The following PIGL variants were observed in gnomAD, a reference collection of about 807,000 sequenced individuals.
The protein encoded by PIGL is N-acetylglucosaminyl-phosphatidylinositol de-N-acetylase.
Under a neutral mutation model 31.1 loss-of-function variants are expected in PIGL, and 22 were observed. That is an observed-to-expected ratio of 0.71 (90% confidence interval 0.51 to 1.01). The LOEUF (loss-of-function observed/expected upper bound fraction) is 1.01, where lower values mean the gene tolerates loss of function less well. PIGL is among the 50% of genes least tolerant of loss of function. The pLI is 0.00. For synonymous variants in PIGL, 131 were observed against 117.4 expected (o/e 1.12, Z -0.75); for missense variants, 302 against 315.9 (o/e 0.96, Z 0.33).
At chr17:16,310,342 GAAGTT>G (rs2093043928) in intron 3 of PIGL, among the ~76,000 whole-genome samples, 1 of 151,112 alleles carries the variant, frequency 6.6e-6, no homozygotes, top group Non-Finnish European at 1.5e-5. Context: ...CATGAACAGT[GAAGTT>G]AACTATGTAC....
intron 6 of PIGL, among the ~76,000 whole-genome samples, chr17:16,322,680 T>A (rs919144063): frequency 6.6e-6 from 1 of 152,174 alleles, no homozygotes; most frequent in Non-Finnish European, 1.5e-5. Flanking sequence ...TCACTAAAAT[T>A]CATTTGTAAC....
intron 2 of PIGL, among the ~76,000 whole-genome samples, chr17:16,250,093 T>C (rs1335635024): frequency 6.6e-6 from 1 of 152,106 alleles, no homozygotes; most frequent in Non-Finnish European, 1.5e-5. Context: ...ATTACCGACA[T>C]ATGCCACCAT....
intron 4 of PIGL, 24 bp downstream of exon 4, chr17:16,313,638 G>A (rs2093064333): frequency 1.3e-6 from 2 of 1,568,744 alleles, no homozygotes; most frequent in Non-Finnish European, 1.8e-6. Flanking sequence ...GGTGATGGAT[G>A]TGGGGGAGGG....
intron 2 of PIGL, among the ~76,000 whole-genome samples, chr17:16,255,195 T>G (rs2092789027): frequency 6.6e-6 from 1 of 152,234 alleles, no homozygotes; most frequent in African/African-American, 2.4e-5. Flanking sequence ...ACTTACATAG[T>G]TTTAACCTTC....
chr17:16,246,305 A>G (rs925407312), intron 2 of PIGL, among the ~76,000 whole-genome samples: 1 of 151,336 alleles, frequency 6.6e-6, no homozygotes, highest in African/African-American at 2.4e-5. Flanking sequence ...CGAGGTCAAG[A>G]GATCGAGACC....
At chr17:16,239,438 G>C (rs781165781) in intron 2 of PIGL, among the ~76,000 whole-genome samples, 1 of 151,290 alleles carries the variant, frequency 6.6e-6, no homozygotes, top group Non-Finnish European at 1.5e-5. Context: ...AGCTGAGATC[G>C]CACCACTGCA....
At chr17:16,231,341 C>G (rs376882346) in intron 1 of PIGL, among the ~76,000 whole-genome samples, 2 of 150,022 alleles carry the variant, frequency 1.3e-5, no homozygotes, top group East Asian at 2.0e-4. Flanking sequence ...CTCAAGCGTT[C>G]CTCCCACTTC....
intron 2 of PIGL, among the ~76,000 whole-genome samples, chr17:16,257,285 C>T (rs1156423725): frequency 2.6e-5 from 4 of 151,900 alleles, no homozygotes; most frequent in African/African-American, 7.3e-5. Context: ...GGCCTGGCGG[C>T]GGGCGCCTGT....
intron 1 of PIGL, 28 bp from the exon 2 acceptor site, chr17:16,233,943 T>C (rs1356202538): frequency 1.6e-6 from 2 of 1,259,334 alleles, no homozygotes; most frequent in Admixed American, 1.9e-5. Flanking sequence ...AAAAAAAAAA[T>C]CTACCACTGT....
chr17:16,219,367 A>G (rs928737320), intron 1 of PIGL, among the ~76,000 whole-genome samples: 1 of 151,190 alleles, frequency 6.6e-6, no homozygotes, highest in Non-Finnish European at 1.5e-5. Flanking sequence ...GCCATTTTTT[A>G]TAAATTTCTT....
intron 2 of PIGL, among the ~76,000 whole-genome samples, chr17:16,288,579 G>A (rs778113983): frequency 2.1e-5 from 3 of 144,054 alleles, no homozygotes; most frequent in Non-Finnish European, 4.5e-5. Flanking sequence ...CGCTCTTGTT[G>A]CCCAGGCTGG....
rs776741168 is a variant in PIGL at position 16,217,257 on chromosome 17, T to C, written c.31T>C (p.Leu11=). 3.7e-6 allele frequency: 6 copies of C among 1,614,166 alleles called. No homozygotes were observed. The highest frequency in any genetic ancestry group is 4.5e-5 in the East Asian group (2 of 44,886). ...AGCAATGTGGCTCCTGTGTGTGGCG[T>C]TGGCGGTCTTGGCATGGGGCTTCCT... MEAMWLLCVA[L]AVLAWGFLWV... is the part of the protein sequence containing the mutation. The change falls in exon 1 of 7, where the codon TTG becomes CTG. Residue 11 remains leucine, a synonymous_variant. Coordinates refer to ENST00000225609, the MANE Select transcript of PIGL (RefSeq NM_004278.4).
chr17:16,291,103 T>C (rs2092958244), intron 2 of PIGL, among the ~76,000 whole-genome samples: 1 of 152,228 alleles, frequency 6.6e-6, no homozygotes, highest in Non-Finnish European at 1.5e-5. Flanking sequence ...AAAATTGTGG[T>C]CTTTACCATA....
At chr17:16,218,973 C>T (rs2092612736) in intron 1 of PIGL, among the ~76,000 whole-genome samples, 1 of 152,038 alleles carries the variant, frequency 6.6e-6, no homozygotes. Context: ...AGCCACCATG[C>T]CTGGCCTACC....
chr17:16,258,970 T>C (rs1033598527), intron 2 of PIGL, among the ~76,000 whole-genome samples: 1 of 152,208 alleles, frequency 6.6e-6, no homozygotes, highest in African/African-American at 2.4e-5. Context: ...ATTGGGTCAG[T>C]CTTTCAGATT....
At chr17:16,259,561 C>T (rs1322111387) in intron 2 of PIGL, among the ~76,000 whole-genome samples, 2 of 152,066 alleles carry the variant, frequency 1.3e-5, no homozygotes, top group Non-Finnish European at 2.9e-5. Flanking sequence ...ACTCCTCCCT[C>T]ACACCACACA....
At chr17:16,248,900 G>A (rs2092759451) in intron 2 of PIGL, among the ~76,000 whole-genome samples, 1 of 152,148 alleles carries the variant, frequency 6.6e-6, no homozygotes, top group South Asian at 2.1e-4. Context: ...GGTCTGGCAG[G>A]GTTGGTTTCT....
chr17:16,296,782 T>C (rs943711215), intron 2 of PIGL, among the ~76,000 whole-genome samples: 1 of 151,788 alleles, frequency 6.6e-6, no homozygotes, highest in African/African-American at 2.4e-5. Context: ...AGTGGCACGG[T>C]CTCGGCTGAC....
chr17:16,223,314 C>T (rs896485948), intron 1 of PIGL, among the ~76,000 whole-genome samples: 1 of 152,068 alleles, frequency 6.6e-6, no homozygotes, highest in East Asian at 1.9e-4. Context: ...CGCAGTGGCT[C>T]GTGCCTGTAA....
Sources: gnomAD v4.1 joint callset for allele counts (sites outside exome capture counted in the v4.1 genomes callset) on GRCh38, gnomAD v4.1.1 for gene constraint, MANE v1.5 for transcripts, NCBI Gene and HGNC (gene_info 2026-07-23, HGNC 2026-07-21) for gene names.